FAM13B: variants seen among roughly 807,000 people sequenced by gnomAD.
The protein encoded by FAM13B is family with sequence similarity 13 member B.
Under a neutral mutation model 117.3 loss-of-function variants are expected in FAM13B, and 60 were observed. The ratio of observed to expected loss-of-function variants is 0.51; its 90% confidence interval spans 0.42 to 0.63. FAM13B has a LOEUF of 0.63. Among genes scored for constraint, FAM13B ranks in the 30% least tolerant of loss-of-function variants. The probability of loss-of-function intolerance (pLI) is 0.00; values close to 1 mark genes in which losing one functional copy is unlikely to be tolerated. For missense variants in FAM13B, 972 were observed against 1,091.9 expected, an observed-to-expected ratio of 0.89 and a Z score of 1.55; for synonymous variants, 332 against 356.1, an observed-to-expected ratio of 0.93 and a Z score of 0.76.
intron 1 of FAM13B, among the ~76,000 whole-genome samples, chr5:138,030,014 A>C (rs1198436222): frequency 1.3e-5 from 2 of 152,296 alleles, no homozygotes; most frequent in Admixed American, 1.3e-4. Flanking sequence ...CTCTAGTAGA[A>C]ATCTAGTAAA....
At position 137,968,634 on chromosome 5, in the gene FAM13B, G is replaced by A. The variant is rs184328451; in HGVS notation, c.1180-6165C>T. 4.1e-3 allele frequency among the ~76,000 whole-genome samples: 617 copies of A among 152,240 alleles called. 2 individuals carry two copies. The highest frequency in any genetic ancestry group is 4.6e-3 in the Non-Finnish European group (314 of 68,024). ...AGATGGCCGAATAGGAACGGCTCTG[G>A]TCTACAGCTCCCAGCGTGAGCGACG... On this transcript the variant is annotated intron_variant, in intron 10 of 23. Transcript: ENST00000689681.
intron 10 of FAM13B, among the ~76,000 whole-genome samples, chr5:137,974,255 C>T (rs1027542028): frequency 6.6e-5 from 10 of 151,848 alleles, no homozygotes; most frequent in African/African-American, 2.4e-4. Context: ...CACATATACA[C>T]CATGGAATAC....
chr5:138,035,080 A>C (rs1026329975), upstream of FAM13B, among the ~76,000 whole-genome samples: 17 of 123,592 alleles, frequency 1.4e-4, no homozygotes, highest in Non-Finnish European at 4.7e-5. Context: ...TGTCTGGATT[A>C]TGGCTCAATA....
chr5:137,987,506 T>C lies in FAM13B; in HGVS notation c.1001A>G (p.Asn334Ser). 6.2e-7 allele frequency: 1 copy of C among 1,613,388 alleles called. No individual in the cohort carries two copies. The highest frequency in any genetic ancestry group is 8.5e-7 in the Non-Finnish European group (1 of 1,179,616). The change falls in exon 9 of 24, where the codon AAT becomes AGT. Residue 334 changes from asparagine (N) to serine (S), a missense_variant. Physicochemically the swap from Asn to Ser is conservative, Grantham distance 46. Coordinates refer to ENST00000689681, the MANE Select transcript of FAM13B (RefSeq NM_001385994.1). ...ATCACAATGAATACTTTCTGCTTCA[T>C]TATTACACACCACACTTTGCTGTTG... ...NLQQQSVVCN[N>S]EAESIHCDGE...
intron 18 of FAM13B, among the ~76,000 whole-genome samples, chr5:137,948,669 G>A (rs1167752414): frequency 6.6e-6 from 1 of 152,146 alleles, no homozygotes; most frequent in Non-Finnish European, 1.5e-5. Context: ...TGCTGGAATT[G>A]AGGCATGAGC....
upstream of FAM13B, chr5:138,036,369 C>G (rs183412338): frequency 5.6e-4 from 256 of 456,572 alleles, 5 homozygotes; most frequent in Admixed American, 5.8e-3. Context: ...ACCTCTTGCC[C>G]GAACAAACTT....
At chr5:137,965,430 A>G (rs1277541777) in intron 10 of FAM13B, among the ~76,000 whole-genome samples, 2 of 152,194 alleles carry the variant, frequency 1.3e-5, no homozygotes, top group East Asian at 3.9e-4. Flanking sequence ...AGAGTTAATT[A>G]AAACCTGACA....
Position 137,985,267 on chromosome 5 carries a change from T to C in FAM13B, c.1169A>G (p.Glu390Gly). The C allele has an allele frequency of 1.2e-6, 2 of 1,613,158 alleles. No homozygotes were observed. Among genetic ancestry groups the C allele is most frequent in the South Asian group, 1.1e-5 (1 of 90,786 alleles). The change falls in exon 10 of 24, where the codon GAA becomes GGA. Residue 390 changes from glutamate to glycine, a missense_variant. Transcript: ENST00000689681. ...TTTGACATTCCTTACCTGGGTATTTTCTTCATTCTCAAATACACAATCTTG... is the reference window on the plus strand; with the variant it reads ...TTTGACATTCCTTACCTGGGTATTTCCTTCATTCTCAAATACACAATCTTG... ...MQQDCVFENE[E>G]NTQSVGILLE... is the part of the protein sequence containing the mutation.
rs928835044 is a variant in FAM13B at position 137,942,789 on chromosome 5, T to C, written c.2588+86A>G. ...AAATTCTTGATTCATCTCCTATTAA[T>C]TCCTTAATACTCATTTAACATCAAA... On this transcript the variant is annotated intron_variant, in intron 22 of 23. Transcript: ENST00000689681. 3.5e-6 allele frequency: 4 copies of C among 1,154,168 alleles called. No homozygotes were observed. The Admixed American group carries it at 7.7e-5, about 22-fold the overall frequency. The allele number at this position is 1,154,168 out of a possible 1,614,324, so 71.5% of individuals were successfully genotyped here. A position where few individuals can be genotyped will look rare whatever the true frequency, so the allele number is the denominator to read the frequency against.
chr5:138,023,249 C>T (rs976068159), intron 1 of FAM13B, among the ~76,000 whole-genome samples: 26 of 152,144 alleles, frequency 1.7e-4, no homozygotes, highest in Non-Finnish European at 1.5e-5. Flanking sequence ...GGAAAACAAT[C>T]GGAGGCATCA....
At chr5:137,951,209 C>CA (rs1158310740) in intron 17 of FAM13B, among the ~76,000 whole-genome samples, 6,924 of 63,392 alleles carry the variant, frequency 0.11, 580 homozygotes, top group African/African-American at 0.18. Flanking sequence ...CTGTCTCAAA[C>CA]AAAAAAAAAA....
chr5:137,971,989 G>C (rs1270190606), intron 10 of FAM13B, among the ~76,000 whole-genome samples: 3 of 149,822 alleles, frequency 2.0e-5, no homozygotes, highest in Non-Finnish European at 4.5e-5. Flanking sequence ...CAACCAAAAA[G>C]AGTCCAGGAC....
At chr5:137,952,744 T>G (rs767178664) in intron 16 of FAM13B, 35 bp from the exon 17 acceptor site, 1 of 1,247,226 alleles carries the variant, frequency 8.0e-7, no homozygotes, top group Admixed American at 1.9e-5. Flanking sequence ...CTGACACTTG[T>G]GATAAGCAAT....
chr5:137,975,225 A>G (rs1008374466), intron 10 of FAM13B, among the ~76,000 whole-genome samples: 1 of 152,100 alleles, frequency 6.6e-6, no homozygotes, highest in African/African-American at 2.4e-5. Context: ...ATCCTGTCCA[A>G]CTAATATTCC....
chr5:137,990,241 A>G (rs1778284349), intron 7 of FAM13B, among the ~76,000 whole-genome samples: 1 of 152,142 alleles, frequency 6.6e-6, no homozygotes. Context: ...CTATCGAGAA[A>G]TATTCATTTT....
intron 7 of FAM13B, among the ~76,000 whole-genome samples, chr5:138,000,939 A>AC (rs1781089856): frequency 3.5e-5 from 3 of 84,780 alleles, no homozygotes; most frequent in Admixed American, 1.2e-4. Context: ...CAAAAAACAA[A>AC]AAACAAAAAA....
chr5:138,011,746 A>T, intron 5 of FAM13B, 22 bp downstream of exon 5: 1 of 1,581,436 alleles, frequency 6.3e-7, no homozygotes, highest in Non-Finnish European at 8.6e-7. Flanking sequence ...AAAATTAAAC[A>T]AAAATTTTTT....
At chr5:137,966,262 C>A (rs1769710517) in intron 10 of FAM13B, among the ~76,000 whole-genome samples, 1 of 151,458 alleles carries the variant, frequency 6.6e-6, no homozygotes, top group South Asian at 2.1e-4. Context: ...TATGGCGAAA[C>A]CTCGTCTCTA....
chr5:137,948,104 A>G (rs1005805783), intron 18 of FAM13B, among the ~76,000 whole-genome samples: 2 of 152,008 alleles, frequency 1.3e-5, no homozygotes, highest in East Asian at 1.9e-4. Context: ...CTCATCCAAT[A>G]TAAGATTAGG....
Sources: gnomAD v4.1 joint callset for allele counts (sites outside exome capture counted in the v4.1 genomes callset) on GRCh38, gnomAD v4.1.1 for gene constraint, MANE v1.5 for transcripts, NCBI Gene and HGNC (gene_info 2026-07-23, HGNC 2026-07-21) for gene names.